RALYL: variants seen among roughly 807,000 people sequenced by gnomAD.
RALYL encodes the protein RNA-binding Raly-like protein.
RALYL carries 29 observed loss-of-function variants against 35.1 expected under a neutral mutation model. The observed-to-expected ratio is 0.83, with a 90% CI of 0.61 to 1.13. The LOEUF is 1.13. RALYL is among the 50% of genes most tolerant of loss of function. The probability of loss-of-function intolerance (pLI) is 0.00; values close to 1 mark genes in which losing one functional copy is unlikely to be tolerated. For synonymous variants in RALYL, 120 were observed against 127.6 expected, an observed-to-expected ratio of 0.94 and a Z score of 0.40; for missense variants, 359 against 360.4, an observed-to-expected ratio of 1.00 and a Z score of 0.03.
At chr8:84,508,201 GA>G (rs557692148) in intron 1 of RALYL, among the ~76,000 whole-genome samples, 6 of 151,682 alleles carry the variant, frequency 4.0e-5, no homozygotes, top group African/African-American at 1.4e-4. Context: ...CACATGCCTT[GA>G]AAAAAAATAA....
At chr8:84,736,870 A>T (rs1847403658) in intron 2 of RALYL, among the ~76,000 whole-genome samples, 1 of 152,060 alleles carries the variant, frequency 6.6e-6, no homozygotes, top group South Asian at 2.1e-4. Context: ...ACCTATTCCT[A>T]GTATGAAAAC....
chr8:84,491,366 A>G (rs2055282327), intron 1 of RALYL, among the ~76,000 whole-genome samples: 1 of 152,028 alleles, frequency 6.6e-6, no homozygotes, highest in South Asian at 2.1e-4. Flanking sequence ...TTTTTGAAAC[A>G]GATAACCAGA....
intron 6 of RALYL, among the ~76,000 whole-genome samples, chr8:84,862,877 T>C (rs1279505518): frequency 1.3e-5 from 2 of 152,168 alleles, no homozygotes; most frequent in African/African-American, 4.8e-5. Flanking sequence ...AGAGGCAAAC[T>C]ATAGAGATGT....
intron 1 of RALYL, among the ~76,000 whole-genome samples, chr8:84,454,209 G>C (rs1240105778): frequency 6.6e-6 from 1 of 152,016 alleles, no homozygotes; most frequent in Middle Eastern, 3.2e-3. Context: ...TGGAAAGCTA[G>C]CTAGAGCAGA....
At chr8:84,636,648 C>A (rs1400674698) in intron 2 of RALYL, among the ~76,000 whole-genome samples, 1 of 151,748 alleles carries the variant, frequency 6.6e-6, no homozygotes, top group Admixed American at 6.6e-5. Flanking sequence ...CTGCTTTTTT[C>A]CACCTACAGA....
chr8:84,332,987 T>A (rs1296341049), intron 1 of RALYL, among the ~76,000 whole-genome samples: 4 of 152,184 alleles, frequency 2.6e-5, no homozygotes, highest in Admixed American at 6.6e-5. Flanking sequence ...CTCTAGTACA[T>A]TCCTACGCTA....
At chr8:84,561,837 C>T (rs1243801262) in intron 2 of RALYL, among the ~76,000 whole-genome samples, 2 of 151,886 alleles carry the variant, frequency 1.3e-5, no homozygotes, top group African/African-American at 4.8e-5. Context: ...AAGAATGACA[C>T]ACAATTAAAA....
intron 6 of RALYL, among the ~76,000 whole-genome samples, chr8:84,868,985 A>G (rs1304780779): frequency 2.0e-5 from 3 of 151,888 alleles, no homozygotes; most frequent in Non-Finnish European, 4.4e-5. Context: ...ACTTCAGGCC[A>G]GTTGTTCATT....
rs1828706582 is a variant in RALYL, at chr8:84,651,092, G to A, written c.256+121515G>A. Among the ~76,000 whole-genome samples the A allele has an allele frequency of 2.0e-5, 3 of 151,914 alleles. 1 individual carries two copies. The South Asian group carries it at 6.2e-4, about 31-fold the overall frequency. Reference sequence around the variant, plus strand: ...GTTGTGGGGTGGGGGTAGCGGGGAAGGATAGCTTTAGGAGATATACCTAAT... The same window carrying A: ...GTTGTGGGGTGGGGGTAGCGGGGAAAGATAGCTTTAGGAGATATACCTAAT... On this transcript the variant is annotated intron_variant, in intron 2 of 8. Coordinates refer to ENST00000521268, the MANE Select transcript of RALYL (RefSeq NM_173848.7).
At chr8:84,324,536 T>C (rs1845447757) in intron 1 of RALYL, among the ~76,000 whole-genome samples, 1 of 152,112 alleles carries the variant, frequency 6.6e-6, no homozygotes, top group South Asian at 2.1e-4. Flanking sequence ...TTACGAGGAA[T>C]ATATTCCTTT....
chr8:84,343,425 C>G (rs1369568010), intron 1 of RALYL, among the ~76,000 whole-genome samples: 2 of 151,898 alleles, frequency 1.3e-5, no homozygotes, highest in African/African-American at 4.8e-5. Flanking sequence ...AAAGAATCAT[C>G]CAAATAATAC....
intron 1 of RALYL, among the ~76,000 whole-genome samples, chr8:84,226,483 C>T (rs547363731): frequency 3.0e-4 from 46 of 152,186 alleles, no homozygotes; most frequent in African/African-American, 9.9e-4. Context: ...CTCAGCTCAT[C>T]GCAACTTCCG....
chr8:84,753,097 G>A (rs932414483), intron 2 of RALYL, among the ~76,000 whole-genome samples: 2 of 152,166 alleles, frequency 1.3e-5, no homozygotes, highest in African/African-American at 4.8e-5. Flanking sequence ...CAAAGCCTTG[G>A]AAATCCACCC....
intron 1 of RALYL, among the ~76,000 whole-genome samples, chr8:84,199,481 C>T (rs1156280482): frequency 1.3e-5 from 2 of 152,106 alleles, no homozygotes. Context: ...CTTTGCTATG[C>T]AGAAGCTTTT....
intron 2 of RALYL, among the ~76,000 whole-genome samples, chr8:84,575,009 T>G (rs529302468): frequency 3.9e-5 from 6 of 152,302 alleles, no homozygotes; most frequent in Non-Finnish European, 7.4e-5. Context: ...AAGATTTTAC[T>G]TTCATTTCTT....
rs929382855 is a variant in RALYL at position 84,608,267 on chromosome 8, G to A, written c.256+78690G>A. 8.5e-5 allele frequency among the ~76,000 whole-genome samples: 13 copies of A among 152,260 alleles called. No homozygotes were observed. In the East Asian group the frequency reaches 2.1e-3, roughly 25 times the overall value. ...AACCTAGGGTAAACTGTTGGTGGAT[G>A]TTGTGGGCTTGTGGACAGAACTTGG... On this transcript the variant is annotated intron_variant, in intron 2 of 8. Coordinates refer to ENST00000521268, the MANE Select transcript of RALYL (RefSeq NM_173848.7).
chr8:84,573,828 A>G (rs1007324493), intron 2 of RALYL, among the ~76,000 whole-genome samples: 2 of 151,876 alleles, frequency 1.3e-5, no homozygotes, highest in African/African-American at 4.8e-5. Flanking sequence ...CACTTCTGAT[A>G]ATTGTCTTTT....
intron 1 of RALYL, among the ~76,000 whole-genome samples, chr8:84,275,632 ATTCT>A (rs1486687023): frequency 6.6e-6 from 1 of 152,074 alleles, no homozygotes; most frequent in African/African-American, 2.4e-5. Flanking sequence ...CATTGAATTT[ATTCT>A]TTCTATCAAA....
At chr8:84,490,067 GTGCT>G (rs2055092631) in intron 1 of RALYL, among the ~76,000 whole-genome samples, 1 of 147,700 alleles carries the variant, frequency 6.8e-6, no homozygotes, top group African/African-American at 2.5e-5. Flanking sequence ...GGAAGTCAGA[GTGCT>G]TGCGTGCATG....
Sources: allele counts gnomAD v4.1 joint callset (sites outside exome capture counted in the v4.1 genomes callset), GRCh38; gene constraint gnomAD v4.1.1; transcripts MANE v1.5; gene names NCBI Gene and HGNC (gene_info 2026-07-23, HGNC 2026-07-21).